Variants in IKZF2 observed in about 807,000 individuals in gnomAD.
IKZF2 encodes the protein IKAROS family zinc finger 2, also known as zinc finger protein Helios.
A neutral mutation model predicts 49.2 loss-of-function variants in IKZF2; 15 were observed. The ratio of observed to expected loss-of-function variants is 0.30; its 90% confidence interval spans 0.20 to 0.47. The LOEUF is 0.47. IKZF2 is among the 20% of genes least tolerant of loss of function. The pLI, the probability that IKZF2 is intolerant of heterozygous loss-of-function variation, is 1.00. For synonymous variants in IKZF2, 227 were observed against 221.4 expected (o/e 1.03, Z -0.23); for missense variants, 567 against 664.6 (o/e 0.85, Z 1.61).
Position 213,022,026 on chromosome 2 carries a change from T to A in IKZF2, c.679A>T (p.Met227Leu). ...CTCATGACCTGCCCAGCAGCCTCCA[T>A]GCTGACATTCTGGAGATAGTTGTGG... ...RCHNYLQNVS[M>L]EAAGQVMSHH... Residue 227 changes from methionine to leucine, a missense_variant, in exon 7 of 9, where the codon ATG becomes TTG. Physicochemically the swap from Met to Leu is conservative, Grantham distance 15. This residue lies in a region of IKZF2 where 310 missense variants were observed against 326.9 expected (regional missense o/e 0.95). Transcript: ENST00000434687. 6.2e-7 allele frequency: 1 copy of A among 1,613,904 alleles called. No homozygotes were observed. Among genetic ancestry groups the A allele is most frequent in the Middle Eastern group, 1.7e-4 (1 of 6,058 alleles).
At chr2:213,016,204 C>A (rs1041398555) in intron 7 of IKZF2, among the ~76,000 whole-genome samples, 2 of 152,012 alleles carry the variant, frequency 1.3e-5, no homozygotes, top group Non-Finnish European at 2.9e-5. Flanking sequence ...TTTAATTCAT[C>A]CAGAAACTCC....
At chr2:213,110,541 C>T (rs765059557) in intron 4 of IKZF2, among the ~76,000 whole-genome samples, 6 of 151,402 alleles carry the variant, frequency 4.0e-5, no homozygotes, top group Admixed American at 6.6e-5. Flanking sequence ...ATTGGATATA[C>T]CTAATTTATT....
At chr2:213,038,689 A>G (rs1332063231) in intron 6 of IKZF2, among the ~76,000 whole-genome samples, 1 of 152,206 alleles carries the variant, frequency 6.6e-6, no homozygotes, top group Non-Finnish European at 1.5e-5. Flanking sequence ...CAAAAGAAGA[A>G]GGGAAGATAA....
intron 4 of IKZF2, among the ~76,000 whole-genome samples, chr2:213,130,318 A>G (rs2060434065): frequency 1.3e-5 from 2 of 152,228 alleles, no homozygotes; most frequent in South Asian, 4.1e-4. Context: ...CCAAAGCATG[A>G]GAGCATTTTA....
intron 4 of IKZF2, among the ~76,000 whole-genome samples, chr2:213,065,657 A>T (rs969719956): frequency 3.3e-5 from 5 of 152,078 alleles, no homozygotes; most frequent in Non-Finnish European, 1.5e-5. Flanking sequence ...TGAAGTACGT[A>T]ATTTTATCCT....
Position 213,014,112 on chromosome 2 carries a change from C to T in IKZF2, c.713-178G>A, listed in dbSNP as rs1045034404. On this transcript the variant is annotated intron_variant, in intron 7 of 8. Coordinates refer to ENST00000434687, the MANE Select transcript of IKZF2 (RefSeq NM_001387220.1). ...CTTTAAATTTGCACACACACATATA[C>T]ACCAGAGGATTTGTTTTTATTTGAG... 7 of 483,016 alleles carry T rather than the reference C, an allele frequency of 1.4e-5. No individual in the cohort carries two copies. The East Asian group carries it at 2.2e-4, about 15-fold the overall frequency. 29.9% of individuals were successfully genotyped at this position (483,016 alleles called of 1,614,324 possible). A position where few individuals can be genotyped will look rare whatever the true frequency, so the allele number is the denominator to read the frequency against.
chr2:213,057,093 G>T lies in IKZF2; in HGVS notation c.146C>A (p.Ser49Ter). The change falls in exon 5 of 9, where the codon TCA (serine) becomes TAA (stop). Residue 49 changes from serine to a stop codon, truncating the protein, a stop_gained. Coordinates refer to ENST00000434687, the MANE Select transcript of IKZF2 (RefSeq NM_001387220.1). LOFTEE classifies it high-confidence loss of function. Reference protein sequence around the residue: ...ASPSHMTSTNSVKLEMQSDEE... With the variant: ...ASPSHMTSTN ...ATCACTCTGCATTTCTAGCTTTACT[G>T]AATTTGCTGTAATTTGAAAAGAAGA... is the stretch of plus-strand genomic sequence containing the variant. The T allele has an allele frequency of 1.2e-6, 2 of 1,609,898 alleles. No individual in the cohort carries two copies. The highest frequency in any genetic ancestry group is 1.1e-5 in the South Asian group (1 of 90,014).
intron 4 of IKZF2, chr2:213,147,464 T>C: frequency 1.7e-6 from 1 of 599,072 alleles, no homozygotes; most frequent in Non-Finnish European, 3.0e-6. Flanking sequence ...ATTCTAACCT[T>C]TCTTACCTGA....
Position 213,013,721 on chromosome 2 carries a change from A to G in IKZF2, c.856+70T>C, listed in dbSNP as rs977073277. On this transcript the variant is annotated intron_variant, in intron 8 of 8. Coordinates refer to ENST00000434687, the MANE Select transcript of IKZF2 (RefSeq NM_001387220.1). ...ACTGAAACACACCATATATATTTCT[A>G]ATACATGGGAACTTGCCTTTTCCTA... The G allele has an allele frequency of 3.3e-5, 44 of 1,340,158 alleles. No homozygotes were observed. The Middle Eastern group carries it at 9.5e-4, about 29-fold the overall frequency. The allele number at this position is 1,340,158 out of a possible 1,614,324, so 83.0% of individuals were successfully genotyped here.
chr2:213,045,148 A>G (rs982553302), intron 6 of IKZF2, among the ~76,000 whole-genome samples: 1 of 152,218 alleles, frequency 6.6e-6, no homozygotes, highest in Non-Finnish European at 1.5e-5. Flanking sequence ...AATTCTATGG[A>G]TGAATAACAG....
chr2:213,059,902 G>C (rs1701518449), intron 4 of IKZF2, among the ~76,000 whole-genome samples: 1 of 151,194 alleles, frequency 6.6e-6, no homozygotes, highest in African/African-American at 2.4e-5. Flanking sequence ...AAATAGACAA[G>C]AAATAGTAAA....
chr2:213,119,260 T>C (rs1049838706), intron 4 of IKZF2, among the ~76,000 whole-genome samples: 1 of 152,148 alleles, frequency 6.6e-6, no homozygotes, highest in African/African-American at 2.4e-5. Context: ...AAACAATTCA[T>C]AGGTAATTCT....
rs1559334847 is a variant in IKZF2 at position 213,147,774 on chromosome 2, T to C, written c.73A>G (p.Met25Val). The C allele has an allele frequency of 6.2e-7, 1 of 1,613,946 alleles. No homozygotes were observed. The highest frequency in any genetic ancestry group is 1.1e-5 in the South Asian group (1 of 91,086). Residue 25 changes from methionine to valine, a missense_variant, in exon 4 of 9, where the codon ATG (methionine) becomes GTG (valine). By Grantham distance (21) the Met-to-Val change is conservative. Around this residue, in one of 5 missense-constraint regions of IKZF2, gnomAD observed 156 missense variants for 138.5 expected, o/e 1.13. Coordinates refer to ENST00000434687, the MANE Select transcript of IKZF2 (RefSeq NM_001387220.1). ...GTGCTTGAGGTGAGGTCAATTGCCATATTGGAGTGCTCCCTTTCGGGTGAA... is the reference window on the plus strand; with the variant it reads ...GTGCTTGAGGTGAGGTCAATTGCCACATTGGAGTGCTCCCTTTCGGGTGAA... ...ELSPEREHSN[M>V]AIDLTSSTPN...
chr2:213,130,885 T>C (rs1328418747), intron 4 of IKZF2, among the ~76,000 whole-genome samples: 1 of 152,184 alleles, frequency 6.6e-6, no homozygotes, highest in Non-Finnish European at 1.5e-5. Flanking sequence ...AATAAAAGAT[T>C]ACTTCTTAAG....
chr2:213,076,195 T>C (rs563255034), intron 4 of IKZF2, among the ~76,000 whole-genome samples: 1 of 152,278 alleles, frequency 6.6e-6, no homozygotes, highest in East Asian at 1.9e-4. Flanking sequence ...ACTAATGCTT[T>C]TCCTAGGGAT....
At chr2:213,026,508 TAA>T (rs1307941687) in intron 6 of IKZF2, among the ~76,000 whole-genome samples, 1 of 152,152 alleles carries the variant, frequency 6.6e-6, no homozygotes, top group Non-Finnish European at 1.5e-5. Flanking sequence ...TAGAAAGAAC[TAA>T]TAAGTGGAGT....
chr2:213,109,372 A>G (rs1398591765), intron 4 of IKZF2, among the ~76,000 whole-genome samples: 1 of 152,100 alleles, frequency 6.6e-6, no homozygotes, highest in Admixed American at 6.6e-5. Context: ...TTAGGGCTAC[A>G]TATCATAAGT....
At chr2:213,060,677 G>A (rs1444038621) in intron 4 of IKZF2, among the ~76,000 whole-genome samples, 2 of 151,360 alleles carry the variant, frequency 1.3e-5, no homozygotes, top group Non-Finnish European at 3.0e-5. Flanking sequence ...AAGCAATAAT[G>A]GTTTAATTTA....
chr2:213,028,904 C>T (rs1371913430), intron 6 of IKZF2, among the ~76,000 whole-genome samples: 1 of 151,992 alleles, frequency 6.6e-6, no homozygotes, highest in East Asian at 1.9e-4. Flanking sequence ...AATACTTTTT[C>T]TGAAACTTTA....
Sources: gnomAD v4.1 joint callset for allele counts (sites outside exome capture counted in the v4.1 genomes callset) on GRCh38, gnomAD v4.1.1 for gene constraint, gnomAD v4.1.1 regional missense constraint, MANE v1.5 for transcripts, NCBI Gene and HGNC (gene_info 2026-07-23, HGNC 2026-07-21) for gene names.